Variants in MEOX2 observed in about 807,000 individuals in gnomAD.
MEOX2 encodes the protein homeobox protein MOX-2.
In MEOX2, 11 loss-of-function variants were observed where a neutral mutation model predicts 27.0. The observed-to-expected ratio is 0.41, with a 90% CI of 0.26 to 0.68. The LOEUF (loss-of-function observed/expected upper bound fraction) is 0.68. Among genes scored for constraint, MEOX2 ranks in the 30% least tolerant of loss-of-function variants. The pLI is 0.33. For synonymous variants in MEOX2, 189 were observed against 155.4 expected (o/e 1.22, Z -1.61); for missense variants, 436 against 385.4 (o/e 1.13, Z -1.10).
chr7:15,649,994 A>G (rs1781711334), intron 1 of MEOX2, among the ~76,000 whole-genome samples: 1 of 152,082 alleles, frequency 6.6e-6, no homozygotes, highest in South Asian at 2.1e-4. Context: ...GTCCAAACTC[A>G]CAAAGTTGGT....
At chr7:15,635,567 A>G (rs1781468264) in intron 1 of MEOX2, among the ~76,000 whole-genome samples, 1 of 152,040 alleles carries the variant, frequency 6.6e-6, no homozygotes, top group Non-Finnish European at 1.5e-5. Flanking sequence ...GGCACTCAAT[A>G]ATCAATTGTA....
At chr7:15,680,792 G>A (rs1782280934) in intron 1 of MEOX2, 1 of 151,770 alleles carries the variant, frequency 6.6e-6, no homozygotes, top group Non-Finnish European at 1.5e-5. Flanking sequence ...ATGCTAAATA[G>A]GAAATAAATC....
intron 1 of MEOX2, among the ~76,000 whole-genome samples, chr7:15,666,453 C>A (rs1782004823): frequency 6.6e-6 from 1 of 151,884 alleles, no homozygotes; most frequent in Non-Finnish European, 1.5e-5. Flanking sequence ...GTGCATGAGA[C>A]AAAGAAATAT....
chr7:15,650,507 A>G (rs568604794), intron 1 of MEOX2, among the ~76,000 whole-genome samples: 1 of 152,190 alleles, frequency 6.6e-6, no homozygotes, highest in South Asian at 2.1e-4. Context: ...ATACGTGCAA[A>G]TAATGCTGAT....
intron 1 of MEOX2, among the ~76,000 whole-genome samples, chr7:15,661,411 A>C (rs1781914981): frequency 6.6e-6 from 1 of 152,230 alleles, no homozygotes; most frequent in Admixed American, 6.5e-5. Context: ...ATATTCATGA[A>C]AATGACTTGA....
chr7:15,617,996 C>G (rs1289831554), intron 2 of MEOX2, among the ~76,000 whole-genome samples: 1 of 152,072 alleles, frequency 6.6e-6, no homozygotes, highest in Non-Finnish European at 1.5e-5. Context: ...TTCCCCACGA[C>G]AGATTTGAAT....
chr7:15,628,225 C>G (rs558288693), intron 1 of MEOX2, among the ~76,000 whole-genome samples: 2 of 152,014 alleles, frequency 1.3e-5, no homozygotes, highest in South Asian at 4.1e-4. Flanking sequence ...CTATTTCTTT[C>G]TGTCTGCCTG....
chr7:15,634,546 G>C (rs141156971), intron 1 of MEOX2, among the ~76,000 whole-genome samples: 6 of 151,922 alleles, frequency 3.9e-5, no homozygotes, highest in African/African-American at 1.4e-4. Flanking sequence ...TAGTTTAATT[G>C]GTTAAATCTG....
At chr7:15,642,111 A>G (rs1583760781) in intron 1 of MEOX2, among the ~76,000 whole-genome samples, 1 of 152,248 alleles carries the variant, frequency 6.6e-6, no homozygotes, top group Non-Finnish European at 1.5e-5. Context: ...CTTGTATGGC[A>G]TCTTGCAGGT....
rs1782375328 is a variant in MEOX2, at chr7:15,686,003, A to G, written c.400T>C (p.Leu134=). The stretch of plus-strand genomic sequence containing the variant: ...GCCCCAGTCGGGGTGCTGGAGCCCA[A>G]GCTGGAAGAGTTGGAGCACAGGACG... The part of the protein sequence containing the change: ...PPVLCSNSSS[L]GSSTPTGAAC... Residue 134 remains leucine (L), a synonymous_variant, in exon 1 of 3, where the codon TTG becomes CTG. Coordinates refer to ENST00000262041, the MANE Select transcript of MEOX2 (RefSeq NM_005924.5). 1 of 1,608,978 alleles carries G rather than the reference A, an allele frequency of 6.2e-7. No individual in the cohort carries two copies. The highest frequency in any genetic ancestry group is 8.5e-7 in the Non-Finnish European group (1 of 1,179,776).
At chr7:15,655,973 C>T (rs531007766) in intron 1 of MEOX2, among the ~76,000 whole-genome samples, 1 of 151,684 alleles carries the variant, frequency 6.6e-6, no homozygotes, top group East Asian at 1.9e-4. Flanking sequence ...TAATAATGGG[C>T]TTATCAATTT....
At chr7:15,615,540 T>C (rs6970492) in intron 2 of MEOX2, among the ~76,000 whole-genome samples, 102,195 of 151,804 alleles carry the variant, frequency 0.67, 34,638 homozygotes, top group East Asian at 0.81. Context: ...TTTTCCTGTA[T>C]TATAATTTAG....
At chr7:15,684,105 T>A (rs191802843) in intron 1 of MEOX2, among the ~76,000 whole-genome samples, 1 of 152,178 alleles carries the variant, frequency 6.6e-6, no homozygotes, top group Non-Finnish European at 1.5e-5. Context: ...TGTGCTTGTA[T>A]GAAAATTGTT....
At position 15,622,497 on chromosome 7, in the gene MEOX2, A is replaced by G. The variant is rs185484236; in HGVS notation, c.690+4249T>C. Among the ~76,000 whole-genome samples, 4 of 152,282 alleles carry G rather than the reference A, an allele frequency of 2.6e-5. No homozygotes were observed. The East Asian group carries it at 5.8e-4, about 22-fold the overall frequency. ...GCTAAGGAAAATATTGAACAATATG[A>G]GGTTAGATGTAATATTCCTTGGTGT... On this transcript the variant is annotated intron_variant, in intron 2 of 2. Transcript: ENST00000262041.
At chr7:15,675,306 T>C (rs1182967307) in intron 1 of MEOX2, among the ~76,000 whole-genome samples, 4 of 152,148 alleles carry the variant, frequency 2.6e-5, no homozygotes, top group Admixed American at 2.6e-4. Flanking sequence ...TTGATCACTG[T>C]TTACATTCAT....
chr7:15,637,453 G>T (rs1432228326), intron 1 of MEOX2, among the ~76,000 whole-genome samples: 1 of 151,740 alleles, frequency 6.6e-6, no homozygotes, highest in East Asian at 1.9e-4. Flanking sequence ...TTGTTTTACT[G>T]AACACGTGTG....
rs550123213 is a variant in MEOX2 at position 15,614,081 on chromosome 7, T to C, written c.691-1470A>G. 2.0e-4 allele frequency among the ~76,000 whole-genome samples: 31 copies of C among 151,830 alleles called. No individual in the cohort carries two copies. In the South Asian group the frequency reaches 6.2e-3, roughly 30 times the overall value. ...TTTCTTTTATGACTAGTGTTTTGTG[T>C]TTTCTTTTTCTAAAAAAATCTATTT... is the stretch of plus-strand genomic sequence containing the variant. On this transcript the variant is annotated intron_variant, in intron 2 of 2. Transcript: ENST00000262041.
At chr7:15,643,811 T>A (rs1366734026) in intron 1 of MEOX2, among the ~76,000 whole-genome samples, 1 of 152,132 alleles carries the variant, frequency 6.6e-6, no homozygotes, top group Non-Finnish European at 1.5e-5. Context: ...AAGCCATAAA[T>A]CCCATTTTCA....
At chr7:15,659,948 G>A (rs1332780723) in intron 1 of MEOX2, among the ~76,000 whole-genome samples, 3 of 152,102 alleles carry the variant, frequency 2.0e-5, no homozygotes, top group Non-Finnish European at 4.4e-5. Context: ...CTTTGTCTCT[G>A]TAATCAGGTT....
Sources: gnomAD v4.1 joint callset for allele counts (sites outside exome capture counted in the v4.1 genomes callset) on GRCh38, gnomAD v4.1.1 for gene constraint, MANE v1.5 for transcripts, NCBI Gene and HGNC (gene_info 2026-07-23, HGNC 2026-07-21) for gene names.